The following MEAK7 variants were observed in gnomAD, a reference collection of about 807,000 sequenced individuals.
MEAK7 encodes the protein MTOR-associated protein MEAK7.
A neutral mutation model predicts 40.5 loss-of-function variants in MEAK7; 68 were observed. That is an observed-to-expected ratio of 1.68 (90% CI 1.38 to 2.06). The LOEUF is 2.06. MEAK7 is among the 30% of genes most tolerant of loss of function. MEAK7 has a pLI of 0.00. For synonymous variants in MEAK7, 338 were observed against 231.9 expected (o/e 1.46, Z -4.16); for missense variants, 918 against 580.5 (o/e 1.58, Z -5.98).
intron 3 of MEAK7, among the ~76,000 whole-genome samples, chr16:84,492,586 T>TTTATTTAC (rs1266667351): frequency 6.6e-6 from 1 of 151,370 alleles, no homozygotes; most frequent in Non-Finnish European, 1.5e-5. Context: ...TATTTATTTA[T>TTTATTTAC]TTATTTATTT....
intron 1 of MEAK7, among the ~76,000 whole-genome samples, chr16:84,499,267 T>C (rs2150647668): frequency 6.6e-6 from 1 of 152,350 alleles, no homozygotes; most frequent in East Asian, 1.9e-4. Flanking sequence ...GGTAAGGTGC[T>C]GTGACTGTTA....
chr16:84,482,449 G>A (rs2150624745), intron 6 of MEAK7, 143 bp downstream of exon 6: 2 of 1,387,218 alleles, frequency 1.4e-6, no homozygotes, highest in East Asian at 4.8e-5. Flanking sequence ...ACCGGCCCTG[G>A]AAACAGAAGG....
chr16:84,496,497 T>C (rs1914060726), intron 2 of MEAK7, among the ~76,000 whole-genome samples: 1 of 152,126 alleles, frequency 6.6e-6, no homozygotes, highest in South Asian at 2.1e-4. Context: ...CTCCGCTCCT[T>C]AAAGCCACTC....
intron 2 of MEAK7, among the ~76,000 whole-genome samples, chr16:84,496,553 AACC>A (rs1227241916): frequency 1.3e-5 from 2 of 152,172 alleles, no homozygotes; most frequent in Non-Finnish European, 2.9e-5. Context: ...AAGGACCAAG[AACC>A]CTGGTGTTCT....
intron 3 of MEAK7, among the ~76,000 whole-genome samples, chr16:84,491,537 T>TAAAA: frequency 8.6e-5 from 1 of 11,658 alleles, no homozygotes; most frequent in African/African-American, 1.7e-4. Context: ...AGACCCTGTC[T>TAAAA]TAAAAAAAAA....
chr16:84,500,150 T>A (rs1914380841), intron 1 of MEAK7: 1 of 152,232 alleles, frequency 6.6e-6, no homozygotes, highest in South Asian at 2.1e-4. Context: ...AGCATTCCAC[T>A]CCTTTTTATG....
intron 6 of MEAK7, among the ~76,000 whole-genome samples, chr16:84,481,156 G>A (rs571473265): frequency 3.3e-5 from 5 of 152,354 alleles, no homozygotes; most frequent in Admixed American, 1.3e-4. Flanking sequence ...AAGACAGGCT[G>A]GGAAACTCAG....
At chr16:84,497,038 T>G (rs766116230) in intron 2 of MEAK7, 4 of 165,562 alleles carry the variant, frequency 2.4e-5, no homozygotes, top group South Asian at 3.0e-4. Flanking sequence ...TAAATTTAGG[T>G]TTTTTTTGGT....
intron 5 of MEAK7, among the ~76,000 whole-genome samples, chr16:84,484,117 G>C (rs1000273711): frequency 6.6e-6 from 1 of 152,202 alleles, no homozygotes; most frequent in Admixed American, 6.5e-5. Context: ...TCTTGCTGCG[G>C]AGCAAGGTCG....
At chr16:84,495,120 T>C (rs554315389) in intron 3 of MEAK7, among the ~76,000 whole-genome samples, 3 of 151,938 alleles carry the variant, frequency 2.0e-5, no homozygotes, top group East Asian at 3.9e-4. Flanking sequence ...AATACAAAAA[T>C]CGGCCAGGCA....
chr16:84,497,762 G>C, intron 2 of MEAK7, 172 bp downstream of exon 2: 1 of 1,293,292 alleles, frequency 7.7e-7, no homozygotes, highest in Non-Finnish European at 1.1e-6. Flanking sequence ...AACAGAGACC[G>C]CATAGCTCAC....
chr16:84,490,774 C>A lies in MEAK7; in HGVS notation c.385-1352G>T, dbSNP rs531650159. ...AAAGAAGATTTATTTCCTTCTCAAT[C>A]AACTGAATTTTTTTCTCCATTTGCT... On this transcript the variant is annotated intron_variant, in intron 3 of 7. Coordinates refer to ENST00000343629, the MANE Select transcript of MEAK7 (RefSeq NM_020947.4). 4.0e-5 allele frequency among the ~76,000 whole-genome samples: 6 copies of A among 150,908 alleles called. 1 individual carries two copies. The South Asian group carries it at 1.3e-3, about 32-fold the overall frequency.
rs1336390066 is a variant in MEAK7 at position 84,476,937 on chromosome 16, G to C, written c.*2976C>G. On this transcript the variant is annotated 3_prime_UTR_variant, in exon 8 of 8. Coordinates refer to ENST00000343629, the MANE Select transcript of MEAK7 (RefSeq NM_020947.4). Reference sequence around the variant, plus strand: ...CATAGGGTCTTGCTGTGTTGCCCAGGCTGGAGTGCAGTGGCACAATCACAG... The same window carrying C: ...CATAGGGTCTTGCTGTGTTGCCCAGCCTGGAGTGCAGTGGCACAATCACAG... The C allele has an allele frequency of 1.3e-5, 2 of 152,258 alleles. No individual in the cohort carries two copies. The highest frequency in any genetic ancestry group is 2.9e-5 in the Non-Finnish European group (2 of 68,098). 9.4% of individuals were successfully genotyped at this position (152,258 alleles called of 1,614,324 possible).
chr16:84,492,284 C>G (rs772739882), intron 3 of MEAK7, among the ~76,000 whole-genome samples: 3 of 152,076 alleles, frequency 2.0e-5, no homozygotes, highest in Non-Finnish European at 4.4e-5. Flanking sequence ...GAGCATAACC[C>G]ACCTTTTCAT....
intron 5 of MEAK7, among the ~76,000 whole-genome samples, chr16:84,485,815 G>C (rs999665418): frequency 6.6e-6 from 1 of 152,132 alleles, no homozygotes; most frequent in African/African-American, 2.4e-5. Context: ...CCACGTAGCT[G>C]GGATTACAGG....
At chr16:84,492,638 G>A (rs1913721950) in intron 3 of MEAK7, among the ~76,000 whole-genome samples, 2 of 151,718 alleles carry the variant, frequency 1.3e-5, no homozygotes, top group South Asian at 4.2e-4. Flanking sequence ...CTAGAGTGCA[G>A]TGGCACAATC....
chr16:84,485,949 T>A, intron 5 of MEAK7: 1 of 152,138 alleles, frequency 6.6e-6, no homozygotes, highest in Non-Finnish European at 1.5e-5. Flanking sequence ...CCCAAAGTGC[T>A]GGGATTACAG....
intron 5 of MEAK7, chr16:84,486,311 A>G: frequency 2.1e-6 from 1 of 481,498 alleles, no homozygotes; most frequent in Non-Finnish European, 3.0e-6. Flanking sequence ...AAAATGTCCG[A>G]TCTGAACCAA....
intron 7 of MEAK7, 62 bp from the exon 8 acceptor site, chr16:84,480,088 C>T: frequency 7.4e-7 from 1 of 1,348,802 alleles, no homozygotes; most frequent in Admixed American, 2.2e-5. Flanking sequence ...CAGCAGCTTC[C>T]TGCTAGTTTT....
Sources: gnomAD v4.1 joint callset for allele counts (sites outside exome capture counted in the v4.1 genomes callset) on GRCh38, gnomAD v4.1.1 for gene constraint, MANE v1.5 for transcripts, NCBI Gene and HGNC (gene_info 2026-07-23, HGNC 2026-07-21) for gene names.